The following AP3B1 variants were observed in gnomAD, a reference collection of about 807,000 sequenced individuals.
The protein encoded by AP3B1 is AP-3 complex subunit beta-1.
AP3B1 carries 61 observed loss-of-function variants against 132.5 expected under a neutral mutation model. The observed-to-expected ratio is 0.46, with a 90% CI of 0.37 to 0.57. AP3B1 has a LOEUF of 0.57. AP3B1 is among the 20% of genes least tolerant of loss of function. The probability of loss-of-function intolerance (pLI) is 0.00; values close to 1 mark genes in which losing one functional copy is unlikely to be tolerated. For missense variants in AP3B1, 1,120 were observed against 1,289.4 expected (o/e 0.87, Z 2.01); for synonymous variants, 388 against 438.3 (o/e 0.89, Z 1.43).
chr5:78,287,219 C>G (rs952399661), intron 1 of AP3B1, among the ~76,000 whole-genome samples: 2 of 152,028 alleles, frequency 1.3e-5, no homozygotes, highest in Non-Finnish European at 2.9e-5. Context: ...AATGGTAAGG[C>G]TTGAAATTTA....
chr5:78,031,086 A>G (rs927224394), intron 24 of AP3B1, among the ~76,000 whole-genome samples: 14 of 151,196 alleles, frequency 9.3e-5, no homozygotes, highest in Middle Eastern at 6.8e-3. Flanking sequence ...AACTTTCCTT[A>G]TTTTCTGTCT....
At chr5:78,156,901 C>T (rs916797553) in intron 13 of AP3B1, among the ~76,000 whole-genome samples, 6 of 152,004 alleles carry the variant, frequency 3.9e-5, no homozygotes, top group South Asian at 2.1e-4. Flanking sequence ...AGTGCAAAGC[C>T]GGAAAGAATG....
chr5:78,169,733 GTTTAT>G (rs1447290185), intron 11 of AP3B1, among the ~76,000 whole-genome samples: 3,612 of 151,252 alleles, frequency 0.024, 136 homozygotes, highest in African/African-American at 0.083. Context: ...AAGCCCTGAA[GTTTAT>G]TTATTTATTT....
chr5:78,278,810 G>A (rs776119950), intron 1 of AP3B1, among the ~76,000 whole-genome samples: 8 of 151,942 alleles, frequency 5.3e-5, no homozygotes, highest in Non-Finnish European at 1.0e-4. Flanking sequence ...GATCAGTAGC[G>A]GCATTAGATT....
intron 7 of AP3B1, among the ~76,000 whole-genome samples, chr5:78,199,569 TAAAATAAAAA>T (rs911303712): frequency 2.4e-4 from 36 of 152,264 alleles, no homozygotes; most frequent in African/African-American, 8.4e-4. Context: ...CCTTAATCTC[TAAAATAAAAA>T]GTTTATATTA....
chr5:78,250,496 C>T (rs1479895388), intron 2 of AP3B1, among the ~76,000 whole-genome samples: 4 of 152,052 alleles, frequency 2.6e-5, no homozygotes, highest in African/African-American at 9.7e-5. Context: ...ACAATGGAGC[C>T]TGAAATTATT....
intron 17 of AP3B1, among the ~76,000 whole-genome samples, chr5:78,125,722 A>C (rs897668658): frequency 6.6e-6 from 1 of 152,102 alleles, no homozygotes; most frequent in Non-Finnish European, 1.5e-5. Context: ...AGTTATAATG[A>C]TTCTCTCTAA....
chr5:78,202,552 AGTGTGTGTGTGTGTGT>A (rs36209977), intron 7 of AP3B1, among the ~76,000 whole-genome samples: 40 of 146,148 alleles, frequency 2.7e-4, no homozygotes, highest in South Asian at 1.8e-3. Context: ...CCATATATTC[AGTGTGTGTGTGTGTGT>A]GTGTGTGTGT....
At chr5:78,012,415 G>A (rs1746659585) in intron 26 of AP3B1, among the ~76,000 whole-genome samples, 1 of 151,924 alleles carries the variant, frequency 6.6e-6, no homozygotes, top group African/African-American at 2.4e-5. Flanking sequence ...ATGAGAAAAA[G>A]TGTTACATAC....
intron 22 of AP3B1, among the ~76,000 whole-genome samples, chr5:78,046,179 G>A (rs1259161404): frequency 2.0e-5 from 3 of 152,194 alleles, no homozygotes; most frequent in African/African-American, 7.2e-5. Context: ...CCTGTACCAG[G>A]CCATGGGTTG....
At chr5:78,035,025 T>C (rs1389923436) in intron 23 of AP3B1, among the ~76,000 whole-genome samples, 1 of 151,860 alleles carries the variant, frequency 6.6e-6, no homozygotes, top group Non-Finnish European at 1.5e-5. Flanking sequence ...CTCAAAAAAA[T>C]TTGTGGCAGA....
At chr5:78,237,402 G>A (rs889424059) in intron 3 of AP3B1, among the ~76,000 whole-genome samples, 1 of 152,156 alleles carries the variant, frequency 6.6e-6, no homozygotes, top group African/African-American at 2.4e-5. Context: ...GCTGAGTCAG[G>A]AGGATCACTT....
At chr5:78,180,919 A>G (rs1744338781) in intron 8 of AP3B1, among the ~76,000 whole-genome samples, 1 of 151,972 alleles carries the variant, frequency 6.6e-6, no homozygotes, top group Non-Finnish European at 1.5e-5. Context: ...ATGGTTATAT[A>G]AACAAAAAGG....
At chr5:78,032,704 G>T (rs1747632452) in intron 24 of AP3B1, among the ~76,000 whole-genome samples, 1 of 151,554 alleles carries the variant, frequency 6.6e-6, no homozygotes, top group African/African-American at 2.4e-5. Context: ...CAAAATTTTT[G>T]ATCTAGCATG....
At chr5:78,120,236 A>C (rs1012016581) in intron 17 of AP3B1, among the ~76,000 whole-genome samples, 1 of 152,214 alleles carries the variant, frequency 6.6e-6, no homozygotes, top group African/African-American at 2.4e-5. Flanking sequence ...ACTGCAAAAA[A>C]CATGCCAAAA....
At chr5:78,022,831 G>GT (rs967435262) in intron 24 of AP3B1, among the ~76,000 whole-genome samples, 11 of 152,096 alleles carry the variant, frequency 7.2e-5, no homozygotes, top group Admixed American at 3.9e-4. Flanking sequence ...TTTACTGTGT[G>GT]TTTTTTACTT....
Position 78,254,487 on chromosome 5 carries a change from A to G in AP3B1, c.204+13033T>C, listed in dbSNP as rs117434293. ...GCAAGAGAAAAAGAACAAATAACAT[A>G]CAACGGAGCTCCAATATGGTGGCAG... On this transcript the variant is annotated intron_variant, in intron 2 of 26. Transcript: ENST00000255194. Among the ~76,000 whole-genome samples, 66 of 152,336 alleles carry G rather than the reference A, an allele frequency of 4.3e-4. No individual in the cohort carries two copies. In the East Asian group the frequency reaches 0.012, roughly 28 times the overall value.
chr5:78,164,912 G>C (rs1378619118), intron 12 of AP3B1, among the ~76,000 whole-genome samples: 2 of 152,236 alleles, frequency 1.3e-5, no homozygotes, highest in Non-Finnish European at 2.9e-5. Flanking sequence ...TCTGTGATTA[G>C]TGCATAGTAT....
At chr5:78,079,709 A>G (rs1400685337) in intron 22 of AP3B1, among the ~76,000 whole-genome samples, 4 of 152,232 alleles carry the variant, frequency 2.6e-5, no homozygotes, top group African/African-American at 7.2e-5. Context: ...TGTATATAAA[A>G]TAATTCAGGC....
Sources: allele counts gnomAD v4.1 joint callset (sites outside exome capture counted in the v4.1 genomes callset), GRCh38; gene constraint gnomAD v4.1.1; transcripts MANE v1.5; gene names NCBI Gene and HGNC (gene_info 2026-07-23, HGNC 2026-07-21).